MYOM2: variants seen among roughly 807,000 people sequenced by gnomAD.
MYOM2 encodes the protein myomesin-2.
A neutral mutation model predicts 187.6 loss-of-function variants in MYOM2; 254 were observed. The ratio of observed to expected loss-of-function variants is 1.35; its 90% CI spans 1.22 to 1.50. The LOEUF (loss-of-function observed/expected upper bound fraction) is 1.50. Ranked by LOEUF, MYOM2 falls within the 40% of genes most tolerant of loss-of-function variation. The probability of loss-of-function intolerance (pLI) is 0.00; values close to 1 mark genes in which losing one functional copy is unlikely to be tolerated. For missense variants in MYOM2, 2,796 were observed against 1,924.0 expected (o/e 1.45, Z -8.48); for synonymous variants, 981 against 753.8 (o/e 1.30, Z -4.94).
rs969082764 is a variant in MYOM2, at chr8:2,079,527, T to C, written c.1463-33T>C. The C allele has an allele frequency of 3.1e-6, 5 of 1,611,840 alleles. No individual in the cohort carries two copies. The Admixed American group carries it at 5.0e-5, about 16-fold the overall frequency. ...ACGGGCTTTTGGGGAAAACTTCGCA[T>C]GTCAAATCGAGTGTCAACCTTTCTC... On this transcript the variant is annotated intron_variant, in intron 12 of 36. Coordinates refer to ENST00000262113, the MANE Select transcript of MYOM2 (RefSeq NM_003970.4).
At chr8:2,074,861 A>C (rs1450440329) in intron 10 of MYOM2, among the ~76,000 whole-genome samples, 1 of 152,204 alleles carries the variant, frequency 6.6e-6, no homozygotes, top group Non-Finnish European at 1.5e-5. Context: ...GCTGAGGCAC[A>C]GCTGACCTAC....
At position 2,076,229 on chromosome 8, in the gene MYOM2, G is replaced by T; in HGVS notation, c.1209G>T (p.Trp403Cys). 2 of 1,613,722 alleles carry T rather than the reference G, an allele frequency of 1.2e-6. No individual in the cohort carries two copies. The highest frequency in any genetic ancestry group is 2.2e-5 in the East Asian group (1 of 44,878). The change falls in exon 11 of 37, where the codon TGG becomes TGT. Residue 403 changes from tryptophan (W) to cysteine (C), a missense_variant. Coordinates refer to ENST00000262113, the MANE Select transcript of MYOM2 (RefSeq NM_003970.4). The part of the protein sequence containing the change: ...DANRDYVIVT[W>C]KPPNTTTESP... ...ACCGGGACTACGTCATCGTGACCTG[G>T]AAGCCGCCCAACACCACCACTGAGA...
At chr8:2,104,678 G>A (rs563860040) in intron 21 of MYOM2, among the ~76,000 whole-genome samples, 7 of 152,178 alleles carry the variant, frequency 4.6e-5, no homozygotes, top group Non-Finnish European at 7.4e-5. Context: ...GCACAGTGCC[G>A]GGATCTGCTG....
chr8:2,123,097 C>T (rs111341034), intron 28 of MYOM2, among the ~76,000 whole-genome samples, 155 bp from the exon 29 acceptor site: 5 of 152,204 alleles, frequency 3.3e-5, no homozygotes, highest in South Asian at 4.1e-4. Context: ...TTATTGGGAG[C>T]GACAGCTTTT....
At chr8:2,076,530 A>G (rs1585860057) in intron 11 of MYOM2, 1 of 495,122 alleles carries the variant, frequency 2.0e-6, no homozygotes, top group South Asian at 2.6e-5. Context: ...CCTGTTGCAC[A>G]CCCAGTAACC....
At chr8:2,108,906 T>C (rs1585921081) in intron 24 of MYOM2, 76 bp downstream of exon 24, 16 of 1,410,848 alleles carry the variant, frequency 1.1e-5, no homozygotes, top group Non-Finnish European at 1.6e-5. Context: ...GCATGAGCTC[T>C]TGGAAGAACA....
intron 6 of MYOM2, among the ~76,000 whole-genome samples, chr8:2,065,443 A>G (rs1818987060): frequency 6.6e-6 from 1 of 152,052 alleles, no homozygotes; most frequent in South Asian, 2.1e-4. Context: ...GGTGGTGCGC[A>G]CCTGTAATCC....
intron 1 of MYOM2, among the ~76,000 whole-genome samples, chr8:2,047,382 G>C (rs546310321): frequency 6.6e-6 from 1 of 152,352 alleles, no homozygotes; most frequent in South Asian, 2.1e-4. Context: ...CATTCAGGGT[G>C]GGTGAGGCTG....
intron 28 of MYOM2, among the ~76,000 whole-genome samples, chr8:2,120,485 AC>A (rs1016967878): frequency 6.7e-6 from 1 of 149,884 alleles, no homozygotes; most frequent in Non-Finnish European, 1.5e-5. Flanking sequence ...TCGGGAGTGG[AC>A]CCGGGCAAGG....
At chr8:2,090,418 T>C (rs1796257650) in intron 15 of MYOM2, among the ~76,000 whole-genome samples, 2 of 152,314 alleles carry the variant, frequency 1.3e-5, no homozygotes, top group East Asian at 1.9e-4. Flanking sequence ...AGTAAGTGAG[T>C]TGAAAAATAT....
chr8:2,075,984 C>G (rs554077345), intron 10 of MYOM2, among the ~76,000 whole-genome samples, 157 bp from the exon 11 acceptor site: 1 of 152,162 alleles, frequency 6.6e-6, no homozygotes, highest in Admixed American at 6.5e-5. Flanking sequence ...GTCACCAACC[C>G]GCCAGAGTAA....
rs148189071 is a variant in MYOM2, at chr8:2,076,259, C to G, written c.1239C>G (p.Pro413=). 6.2e-7 allele frequency: 1 copy of G among 1,613,772 alleles called. No individual in the cohort carries two copies. The highest frequency in any genetic ancestry group is 1.7e-5 in the Admixed American group (1 of 59,984). ...WKPPNTTTES[P]VMGYFVDRCE... Reference sequence around the variant, plus strand: ...CGCCCAACACCACCACTGAGAGCCCCGTCATGGGCTATTTTGTGGACCGGT... The same window carrying G: ...CGCCCAACACCACCACTGAGAGCCCGGTCATGGGCTATTTTGTGGACCGGT... The change falls in exon 11 of 37, where the codon CCC becomes CCG. Residue 413 remains proline (P), a synonymous_variant. Transcript: ENST00000262113.
intron 27 of MYOM2, 69 bp from the exon 28 acceptor site, chr8:2,117,816 T>A: frequency 3.0e-6 from 3 of 1,011,620 alleles, no homozygotes; most frequent in Non-Finnish European, 4.5e-6. Flanking sequence ...TATATATATA[T>A]AATAGCTATA....
intron 32 of MYOM2, among the ~76,000 whole-genome samples, chr8:2,132,570 G>T (rs73657734): frequency 0.14 from 21,085 of 151,898 alleles, 2,551 homozygotes; most frequent in African/African-American, 0.31. Context: ...TAAAGAAATT[G>T]CAGTCTCTCT....
intron 32 of MYOM2, among the ~76,000 whole-genome samples, chr8:2,132,939 C>G (rs142374455): frequency 0.028 from 4,230 of 152,234 alleles, 61 homozygotes; most frequent in Middle Eastern, 0.048. Flanking sequence ...GTGGGAGGGG[C>G]AGTGGCTGGC....
At chr8:2,056,218 T>C (rs955658033) in intron 3 of MYOM2, among the ~76,000 whole-genome samples, 5 of 152,078 alleles carry the variant, frequency 3.3e-5, no homozygotes, top group Non-Finnish European at 7.4e-5. Context: ...TAGGGATGGC[T>C]CCGTGGGAGA....
At chr8:2,053,969 A>G (rs1338753412) in intron 3 of MYOM2, among the ~76,000 whole-genome samples, 1 of 152,130 alleles carries the variant, frequency 6.6e-6, no homozygotes, top group Non-Finnish European at 1.5e-5. Context: ...GGCAAGTTCT[A>G]ATTGAGATTT....
At chr8:2,133,018 G>A (rs568171343) in intron 32 of MYOM2, among the ~76,000 whole-genome samples, 31 of 152,320 alleles carry the variant, frequency 2.0e-4, no homozygotes, top group African/African-American at 7.2e-4. Context: ...GGCTTTAGCC[G>A]ATGTGTGTTG....
In MYOM2 at chr8:2,144,750, G is replaced by A; in HGVS notation, c.4167G>A (p.Glu1389=). The A allele has an allele frequency of 6.2e-7, 1 of 1,614,148 alleles. No individual in the cohort carries two copies. The highest frequency in any genetic ancestry group is 8.5e-7 in the Non-Finnish European group (1 of 1,180,040). The part of the protein sequence containing the change: ...FKNDQDIQLS[E]HFSVKVEQAK... ...ACGACCAGGACATCCAGCTCAGCGAGCACTTCTCGGTGAAGGTGGAGCAGG... is the reference window on the plus strand; with the variant it reads ...ACGACCAGGACATCCAGCTCAGCGAACACTTCTCGGTGAAGGTGGAGCAGG... The change falls in exon 37 of 37, where the codon GAG becomes GAA. Residue 1389 remains glutamate, a synonymous_variant. Coordinates refer to ENST00000262113, the MANE Select transcript of MYOM2 (RefSeq NM_003970.4).
Sources: allele counts gnomAD v4.1 joint callset (sites outside exome capture counted in the v4.1 genomes callset), GRCh38; gene constraint gnomAD v4.1.1; transcripts MANE v1.5; gene names NCBI Gene and HGNC (gene_info 2026-07-23, HGNC 2026-07-21).